FRYL: variants seen among roughly 807,000 people sequenced by gnomAD.
FRYL encodes FRY like transcription coactivator, also known as protein furry homolog-like.
In FRYL, 150 loss-of-function variants were observed where a neutral mutation model predicts 351.2. That is an observed-to-expected ratio of 0.43 (90% CI 0.37 to 0.49). The LOEUF (loss-of-function observed/expected upper bound fraction) is 0.49. FRYL is among the 20% of genes least tolerant of loss of function. The probability of loss-of-function intolerance (pLI) is 0.00; values close to 1 mark genes in which losing one functional copy is unlikely to be tolerated. For synonymous variants in FRYL, 1,153 were observed against 1,257.1 expected, an observed-to-expected ratio of 0.92 and a Z score of 1.75; for missense variants, 3,036 against 3,619.3, an observed-to-expected ratio of 0.84 and a Z score of 4.13.
At chr4:48,725,981 G>A (rs1347556494) in intron 1 of FRYL, among the ~76,000 whole-genome samples, 2 of 151,932 alleles carry the variant, frequency 1.3e-5, no homozygotes, top group Non-Finnish European at 2.9e-5. Flanking sequence ...CTACTATATA[G>A]GAAAAAAAAT....
At chr4:48,601,035 T>A (rs1180024219) in intron 13 of FRYL, among the ~76,000 whole-genome samples, 1 of 152,114 alleles carries the variant, frequency 6.6e-6, no homozygotes. Flanking sequence ...AAATTATACA[T>A]AAAATCATGA....
chr4:48,695,832 A>G (rs1271212669), intron 2 of FRYL, among the ~76,000 whole-genome samples: 4 of 152,228 alleles, frequency 2.6e-5, no homozygotes, highest in Admixed American at 6.5e-5. Context: ...ACAAATTTAC[A>G]AGAAAAAAAC....
intron 32 of FRYL, among the ~76,000 whole-genome samples, chr4:48,561,910 G>A (rs1735603945): frequency 6.6e-6 from 1 of 152,150 alleles, no homozygotes; most frequent in African/African-American, 2.4e-5. Flanking sequence ...CAGCTACTCA[G>A]GAGGCTGAGG....
intron 19 of FRYL, among the ~76,000 whole-genome samples, chr4:48,584,586 A>G (rs1278639204): frequency 1.8e-4 from 27 of 152,208 alleles, no homozygotes; most frequent in Non-Finnish European, 1.5e-5. Context: ...ACAGTCCTCA[A>G]TGATGTTGAC....
chr4:48,662,489 T>C (rs777033340), intron 3 of FRYL, among the ~76,000 whole-genome samples: 1 of 151,374 alleles, frequency 6.6e-6, no homozygotes, highest in East Asian at 1.9e-4. Flanking sequence ...GAAAAAATAA[T>C]GATCAAAAAA....
chr4:48,613,089 C>G (rs893852367), intron 7 of FRYL, among the ~76,000 whole-genome samples: 1 of 152,188 alleles, frequency 6.6e-6, no homozygotes, highest in Non-Finnish European at 1.5e-5. Flanking sequence ...ACATAATGAA[C>G]TATCTTGGGG....
intron 2 of FRYL, among the ~76,000 whole-genome samples, chr4:48,706,623 T>C (rs933931493): frequency 2.6e-5 from 4 of 152,228 alleles, no homozygotes; most frequent in African/African-American, 9.6e-5. Context: ...ACACTTAAAA[T>C]AGTTAAAATG....
Position 48,573,263 on chromosome 4 carries a change from T to C in FRYL, c.2847-20A>G. The C allele has an allele frequency of 6.7e-7, 1 of 1,500,380 alleles. No homozygotes were observed. The highest frequency in any genetic ancestry group is 9.3e-7 in the Non-Finnish European group (1 of 1,076,756). The allele number at this position is 1,500,380 out of a possible 1,614,324, so 92.9% of individuals were successfully genotyped here. On this transcript the variant is annotated intron_variant, in intron 25 of 63. Coordinates refer to ENST00000358350, the MANE Select transcript of FRYL (RefSeq NM_015030.2). Reference sequence around the variant, plus strand: ...AGTTCCCTGGAAGAAAAATGGTACATATTCTATTAATAGCTACACAGATAT... The same window carrying C: ...AGTTCCCTGGAAGAAAAATGGTACACATTCTATTAATAGCTACACAGATAT...
At chr4:48,700,318 G>A (rs1766596529) in intron 2 of FRYL, among the ~76,000 whole-genome samples, 1 of 152,110 alleles carries the variant, frequency 6.6e-6, no homozygotes, top group Non-Finnish European at 1.5e-5. Context: ...GACACCGGGA[G>A]GGCAAAGTGA....
intron 5 of FRYL, among the ~76,000 whole-genome samples, chr4:48,621,491 A>G (rs2149324716): frequency 6.6e-6 from 1 of 152,328 alleles, no homozygotes; most frequent in African/African-American, 2.4e-5. Flanking sequence ...AGCAGTCCCT[A>G]AGGTCACTCT....
At chr4:48,770,918 A>ATTAGAACAGGAAAAATG (rs986447023) in intron 1 of FRYL, among the ~76,000 whole-genome samples, 1 of 152,220 alleles carries the variant, frequency 6.6e-6, no homozygotes, top group East Asian at 1.9e-4. Flanking sequence ...TGGGAAGAAC[A>ATTAGAACAGGAAAAATG]TTAGAACAGG....
chr4:48,730,226 T>C (rs1030269768), intron 1 of FRYL, among the ~76,000 whole-genome samples: 1 of 152,008 alleles, frequency 6.6e-6, no homozygotes, highest in Non-Finnish European at 1.5e-5. Context: ...CAAGAAAATA[T>C]GGGACTATGT....
At position 48,501,652 on chromosome 4, in the gene FRYL, G is replaced by T; in HGVS notation, c.8563C>A (p.Gln2855Lys). Residue 2855 changes from glutamine to lysine, a missense_variant, in exon 62 of 64, where the codon CAA (glutamine) becomes AAA (lysine). By Grantham distance (53) the Gln-to-Lys change is moderately conservative. Coordinates refer to ENST00000358350, the MANE Select transcript of FRYL (RefSeq NM_015030.2). ...GCTTCATTTTTTATCGTATTTACTT[G>T]GTTGATAAGTTTACAGTAGGCCTGG... ...LFQAYCKLIN[Q>K]VNTIKNEAEV... 1.2e-6 allele frequency: 2 copies of T among 1,602,152 alleles called. No homozygotes were observed. The highest frequency in any genetic ancestry group is 1.7e-6 in the Non-Finnish European group (2 of 1,169,798).
At chr4:48,648,473 C>T (rs749811861) in intron 3 of FRYL, among the ~76,000 whole-genome samples, 14 of 152,078 alleles carry the variant, frequency 9.2e-5, no homozygotes, top group Non-Finnish European at 5.9e-5. Flanking sequence ...CTATTTCTTC[C>T]TTCAGATCTT....
At position 48,603,404 on chromosome 4, in the gene FRYL, T is replaced by C. The variant is rs1274694616; in HGVS notation, c.835-16A>G. 1.4e-6 allele frequency: 2 copies of C among 1,452,408 alleles called. No individual in the cohort carries two copies. The highest frequency in any genetic ancestry group is 1.9e-6 in the Non-Finnish European group (2 of 1,042,316). The allele number at this position is 1,452,408 out of a possible 1,614,324, so 90.0% of individuals were successfully genotyped here. On this transcript the variant is annotated splice_polypyrimidine_tract_variant and intron_variant, in intron 11 of 63. Coordinates refer to ENST00000358350, the MANE Select transcript of FRYL (RefSeq NM_015030.2). ...TTTTAACAGCCTAGTAAAAAGATAA[T>C]GCAAACAAAGAAAATGATACAGATG...
At chr4:48,557,763 G>C in intron 33 of FRYL, 51 bp from the exon 34 acceptor site, 1 of 1,594,332 alleles carries the variant, frequency 6.3e-7, no homozygotes, top group Non-Finnish European at 8.6e-7. Flanking sequence ...AGCTTCCTCT[G>C]ACCCGTAATT....
intron 3 of FRYL, among the ~76,000 whole-genome samples, chr4:48,653,537 C>G (rs551488529): frequency 6.6e-6 from 1 of 152,200 alleles, no homozygotes; most frequent in East Asian, 1.9e-4. Flanking sequence ...TTACAACTGT[C>G]TGATGTGTGC....
At position 48,595,707 on chromosome 4, in the gene FRYL, A is replaced by T. The variant is rs1351614560; in HGVS notation, c.1140-9T>A. On this transcript the variant is annotated splice_polypyrimidine_tract_variant and intron_variant, in intron 14 of 63. Transcript: ENST00000358350. ...CTATGCTCATAAGACGACTACAGGG[A>T]AAAAGATCTAGTCATAGTGAGATCA... The T allele has an allele frequency of 1.3e-6, 2 of 1,568,024 alleles. No individual in the cohort carries two copies. The highest frequency in any genetic ancestry group is 2.7e-5 in the African/African-American group (2 of 73,686).
At chr4:48,537,759 C>T (rs945798153) in intron 47 of FRYL, among the ~76,000 whole-genome samples, 3 of 152,184 alleles carry the variant, frequency 2.0e-5, no homozygotes, top group East Asian at 3.8e-4. Context: ...ACGATATCAG[C>T]AGCTCGATAT....
Sources: gnomAD v4.1 joint callset for allele counts (sites outside exome capture counted in the v4.1 genomes callset) on GRCh38, gnomAD v4.1.1 for gene constraint, MANE v1.5 for transcripts, NCBI Gene and HGNC (gene_info 2026-07-23, HGNC 2026-07-21) for gene names.